Variants in CAMK1D observed in about 807,000 individuals in gnomAD.
The protein encoded by CAMK1D is calcium/calmodulin-dependent protein kinase type 1D.
CAMK1D carries 9 observed loss-of-function variants against 47.7 expected under a neutral mutation model. That is an observed-to-expected ratio of 0.19 (90% CI 0.11 to 0.33). CAMK1D has a LOEUF of 0.33. CAMK1D is among the 10% of genes least tolerant of loss of function. The pLI is 1.00. For missense variants in CAMK1D, 291 were observed against 488.7 expected (o/e 0.60, Z 3.81); for synonymous variants, 184 against 184.9 (o/e 0.99, Z 0.04).
Position 12,648,704 on chromosome 10 carries a change from C to T in CAMK1D, c.225-18032C>T, listed in dbSNP as rs1167615785. Among the ~76,000 whole-genome samples, 5 of 152,100 alleles carry T rather than the reference C, an allele frequency of 3.3e-5. No homozygotes were observed. In the East Asian group the frequency reaches 9.7e-4, roughly 29 times the overall value. ...CAGGCTGGTCTTGAACTCCTGACCT[C>T]AGGTGATCCACCCACCTCAGCCTCC... On this transcript the variant is annotated intron_variant, in intron 2 of 10. Coordinates refer to ENST00000619168, the MANE Select transcript of CAMK1D (RefSeq NM_153498.4).
intron 1 of CAMK1D, among the ~76,000 whole-genome samples, chr10:12,548,389 T>C (rs1836466034): frequency 6.6e-6 from 1 of 152,198 alleles, no homozygotes; most frequent in African/African-American, 2.4e-5. Flanking sequence ...AGCAGACTTT[T>C]TATGTTTATC....
chr10:12,650,738 A>C (rs550058418), intron 2 of CAMK1D, among the ~76,000 whole-genome samples: 42 of 152,226 alleles, frequency 2.8e-4, no homozygotes, highest in East Asian at 2.5e-3. Flanking sequence ...GTGATGTCCT[A>C]ACGGCTGTTG....
intron 5 of CAMK1D, among the ~76,000 whole-genome samples, chr10:12,784,276 C>T (rs1208092138): frequency 4.0e-5 from 6 of 149,532 alleles, no homozygotes; most frequent in African/African-American, 9.9e-5. Context: ...TGGCTCACTG[C>T]AACCTCCACC....
intron 1 of CAMK1D, among the ~76,000 whole-genome samples, chr10:12,372,125 A>G (rs1838023618): frequency 6.6e-6 from 1 of 152,196 alleles, no homozygotes; most frequent in Non-Finnish European, 1.5e-5. Flanking sequence ...TGTATCATCT[A>G]GCCTAGGTGT....
At chr10:12,654,420 G>C (rs571208013) in intron 2 of CAMK1D, among the ~76,000 whole-genome samples, 1 of 152,128 alleles carries the variant, frequency 6.6e-6, no homozygotes, top group Non-Finnish European at 1.5e-5. Flanking sequence ...GAGACTCCTG[G>C]TGCTAATTTT....
intron 1 of CAMK1D, among the ~76,000 whole-genome samples, chr10:12,414,966 G>T (rs976467663): frequency 1.3e-5 from 2 of 151,794 alleles, no homozygotes; most frequent in East Asian, 1.9e-4. Context: ...GAATTTCTTC[G>T]GGAAAAAAAA....
intron 2 of CAMK1D, among the ~76,000 whole-genome samples, chr10:12,617,825 A>G (rs547438850): frequency 5.3e-5 from 8 of 152,296 alleles, no homozygotes; most frequent in Admixed American, 3.9e-4. Context: ...GCTGGTTTCC[A>G]CTGGTGAGCT....
At chr10:12,420,077 A>G (rs1006812647) in intron 1 of CAMK1D, among the ~76,000 whole-genome samples, 1 of 151,712 alleles carries the variant, frequency 6.6e-6, no homozygotes, top group Non-Finnish European at 1.5e-5. Context: ...CTCCTGCCTC[A>G]GCCTCCCGAG....
intron 8 of CAMK1D, among the ~76,000 whole-genome samples, chr10:12,821,565 C>T (rs1232829682): frequency 6.6e-6 from 1 of 152,192 alleles, no homozygotes; most frequent in Non-Finnish European, 1.5e-5. Flanking sequence ...ACACAAAACA[C>T]AAAACCACGA....
intron 3 of CAMK1D, among the ~76,000 whole-genome samples, chr10:12,698,968 G>A (rs1229826894): frequency 1.3e-5 from 2 of 152,000 alleles, no homozygotes; most frequent in Non-Finnish European, 2.9e-5. Flanking sequence ...ACTGCACCCG[G>A]CCTAGAGATT....
Position 12,831,748 on chromosome 10 carries a change from A to G in CAMK1D, c.*2861A>G, listed in dbSNP as rs1833422405. The G allele has an allele frequency of 6.6e-6, 1 of 152,204 alleles. No homozygotes were observed. Among genetic ancestry groups the G allele is most frequent in the South Asian group, 2.1e-4 (1 of 4,824 alleles). The allele number at this position is 152,204 out of a possible 1,614,324, so 9.4% of individuals were successfully genotyped here. On this transcript the variant is annotated 3_prime_UTR_variant, in exon 11 of 11. Coordinates refer to ENST00000619168, the MANE Select transcript of CAMK1D (RefSeq NM_153498.4). ...AGGAAGCCTGTACTGTCCTGATCCC[A>G]CCAGGCTTGGGTTAATTTCCTATTG...
At chr10:12,805,954 C>T (rs372317990) in intron 6 of CAMK1D, among the ~76,000 whole-genome samples, 1 of 152,194 alleles carries the variant, frequency 6.6e-6, no homozygotes, top group Non-Finnish European at 1.5e-5. Context: ...ACGCATGCCA[C>T]GATGATGGTG....
intron 2 of CAMK1D, among the ~76,000 whole-genome samples, chr10:12,635,482 G>A (rs1438515598): frequency 6.6e-6 from 1 of 152,184 alleles, no homozygotes; most frequent in Non-Finnish European, 1.5e-5. Flanking sequence ...CCACGGCGCA[G>A]TGCAGGAGCT....
intron 3 of CAMK1D, among the ~76,000 whole-genome samples, chr10:12,674,162 C>A (rs1461644467): frequency 5.3e-5 from 8 of 152,148 alleles, no homozygotes; most frequent in Non-Finnish European, 1.2e-4. Flanking sequence ...CCAGGCTGAT[C>A]TCAAACCCCT....
intron 1 of CAMK1D, among the ~76,000 whole-genome samples, chr10:12,416,206 TA>T (rs772379239): frequency 6.6e-6 from 1 of 152,104 alleles, no homozygotes; most frequent in South Asian, 2.1e-4. Flanking sequence ...ATAATCTCTT[TA>T]AAAAAACAGC....
At chr10:12,517,452 A>T (rs926980876) in intron 1 of CAMK1D, among the ~76,000 whole-genome samples, 1 of 152,216 alleles carries the variant, frequency 6.6e-6, no homozygotes, top group Admixed American at 6.5e-5. Context: ...CTTATTCTTG[A>T]CCTGAACAGA....
intron 2 of CAMK1D, among the ~76,000 whole-genome samples, chr10:12,663,212 C>T (rs1321349860): frequency 7.2e-5 from 11 of 151,858 alleles, no homozygotes; most frequent in East Asian, 1.9e-4. Flanking sequence ...CTGCCCACCT[C>T]GGCCTCCCAA....
chr10:12,721,779 G>A (rs1050470575), intron 3 of CAMK1D, among the ~76,000 whole-genome samples: 2 of 152,196 alleles, frequency 1.3e-5, no homozygotes, highest in Non-Finnish European at 2.9e-5. Context: ...GATTAGGGTT[G>A]TGTGGACCAG....
chr10:12,670,713 A>C (rs1172011826), intron 3 of CAMK1D, among the ~76,000 whole-genome samples: 1 of 151,940 alleles, frequency 6.6e-6, no homozygotes, highest in Non-Finnish European at 1.5e-5. Flanking sequence ...ATGCCCAGCT[A>C]TTTTTTGTAT....
Sources: gnomAD v4.1 joint callset for allele counts (sites outside exome capture counted in the v4.1 genomes callset) on GRCh38, gnomAD v4.1.1 for gene constraint, MANE v1.5 for transcripts, NCBI Gene and HGNC (gene_info 2026-07-23, HGNC 2026-07-21) for gene names.